FAM168A: variants seen among roughly 807,000 people sequenced by gnomAD.
FAM168A encodes family with sequence similarity 168 member A.
FAM168A carries 3 observed loss-of-function variants against 28.5 expected under a neutral mutation model. That is an observed-to-expected ratio of 0.11 (90% CI 0.05 to 0.27). FAM168A has a LOEUF of 0.27. FAM168A is among the 10% of genes least tolerant of loss of function. The pLI is 1.00. For missense variants in FAM168A, 222 were observed against 311.5 expected (o/e 0.71, Z 2.16); for synonymous variants, 122 against 124.2 (o/e 0.98, Z 0.12).
At chr11:73,496,816 T>G (rs970486168) in intron 1 of FAM168A, among the ~76,000 whole-genome samples, 3 of 151,078 alleles carry the variant, frequency 2.0e-5, no homozygotes, top group African/African-American at 7.3e-5. Context: ...CACCTCGGCC[T>G]CCCAAAGTGC....
intron 1 of FAM168A, among the ~76,000 whole-genome samples, chr11:73,522,730 A>G (rs2134653126): frequency 6.7e-6 from 1 of 149,558 alleles, no homozygotes; most frequent in South Asian, 2.2e-4. Flanking sequence ...AAAGACAATG[A>G]GGCCAGGCAT....
intron 1 of FAM168A, among the ~76,000 whole-genome samples, chr11:73,481,857 G>A (rs1867971429): frequency 6.6e-6 from 1 of 152,180 alleles, no homozygotes; most frequent in African/African-American, 2.4e-5. Flanking sequence ...CTTCTGGGAG[G>A]TCTTCAGGTC....
chr11:73,597,759 C>T (rs576010910), intron 1 of FAM168A, among the ~76,000 whole-genome samples, 164 bp downstream of exon 1: 1 of 151,366 alleles, frequency 6.6e-6, no homozygotes, highest in East Asian at 2.0e-4. Flanking sequence ...CACCCCCGGC[C>T]AGCGCCTGGA....
At chr11:73,443,425 T>C (rs539549196) in intron 2 of FAM168A, among the ~76,000 whole-genome samples, 1 of 152,292 alleles carries the variant, frequency 6.6e-6, no homozygotes, top group South Asian at 2.1e-4. Flanking sequence ...GATATTAGGC[T>C]GCCAGGGACA....
At chr11:73,580,011 A>C (rs1202898923) in intron 1 of FAM168A, among the ~76,000 whole-genome samples, 1 of 152,220 alleles carries the variant, frequency 6.6e-6, no homozygotes, top group African/African-American at 2.4e-5. Flanking sequence ...ATACATGTTT[A>C]TAGTGTTAGC....
At chr11:73,454,852 C>A (rs1221834377) in intron 2 of FAM168A, among the ~76,000 whole-genome samples, 1 of 152,234 alleles carries the variant, frequency 6.6e-6, no homozygotes, top group Non-Finnish European at 1.5e-5. Flanking sequence ...CCTCTTCCCA[C>A]TGAGAGCCAC....
At chr11:73,587,491 CAA>C (rs750571231) in intron 1 of FAM168A, among the ~76,000 whole-genome samples, 22 of 87,496 alleles carry the variant, frequency 2.5e-4, no homozygotes, top group Admixed American at 2.4e-4. Flanking sequence ...GACTCCGTCT[CAA>C]AAAAAAAAAA....
At chr11:73,507,915 T>C (rs1227579805) in intron 1 of FAM168A, among the ~76,000 whole-genome samples, 1 of 97,426 alleles carries the variant, frequency 1.0e-5, no homozygotes, top group Non-Finnish European at 2.3e-5. Flanking sequence ...CAGGGGATCT[T>C]GGAATTCAAT....
chr11:73,472,230 T>C (rs1434379655), intron 1 of FAM168A, among the ~76,000 whole-genome samples: 2 of 152,152 alleles, frequency 1.3e-5, no homozygotes, highest in Non-Finnish European at 2.9e-5. Context: ...TTAAATAAGA[T>C]GATTCGAAAA....
chr11:73,456,693 C>T (rs771980497), intron 2 of FAM168A, among the ~76,000 whole-genome samples: 1 of 152,222 alleles, frequency 6.6e-6, no homozygotes, highest in Non-Finnish European at 1.5e-5. Flanking sequence ...GAATCCTCCA[C>T]ATAAACAACT....
In FAM168A at chr11:73,402,987, C is replaced by G. The variant is rs1866439680; in HGVS notation, c.*3776G>C. The G allele has an allele frequency of 6.6e-6, 1 of 152,228 alleles. No individual in the cohort carries two copies. The highest frequency in any genetic ancestry group is 1.5e-5 in the Non-Finnish European group (1 of 68,060). The allele number at this position is 152,228 out of a possible 1,614,324, so 9.4% of individuals were successfully genotyped here. Reference sequence around the variant, plus strand: ...ACCCAGCAGGTGGCAGCAGAAAGAGCAGAGGATTTGAAGAATCACTTCCAA... The same window carrying G: ...ACCCAGCAGGTGGCAGCAGAAAGAGGAGAGGATTTGAAGAATCACTTCCAA... On this transcript the variant is annotated 3_prime_UTR_variant, in exon 8 of 8. Coordinates refer to ENST00000356467, the MANE Select transcript of FAM168A (RefSeq NM_015159.3).
At chr11:73,577,831 GT>G (rs1944194504) in intron 1 of FAM168A, among the ~76,000 whole-genome samples, 1 of 151,898 alleles carries the variant, frequency 6.6e-6, no homozygotes, top group South Asian at 2.1e-4. Flanking sequence ...AAGAACATCT[GT>G]TCATAATTAA....
At chr11:73,427,281 G>A (rs12272165) in intron 3 of FAM168A, among the ~76,000 whole-genome samples, 7,243 of 152,056 alleles carry the variant, frequency 0.048, 540 homozygotes, top group African/African-American at 0.16. Context: ...GTGAGCCACT[G>A]CGCCCAGCCT....
intron 1 of FAM168A, among the ~76,000 whole-genome samples, chr11:73,577,012 TTTACAGAC>T (rs1349246732): frequency 6.6e-6 from 1 of 151,818 alleles, no homozygotes; most frequent in Non-Finnish European, 1.5e-5. Flanking sequence ...TCAAATGACA[TTTACAGAC>T]TTGAATGGGA....
chr11:73,536,139 C>T (rs975314884), intron 1 of FAM168A, among the ~76,000 whole-genome samples: 1 of 152,194 alleles, frequency 6.6e-6, no homozygotes. Context: ...AGCCATCACA[C>T]TCGGCCAGCA....
intron 1 of FAM168A, among the ~76,000 whole-genome samples, chr11:73,500,053 C>T (rs1169960588): frequency 2.6e-5 from 4 of 152,004 alleles, no homozygotes; most frequent in African/African-American, 7.3e-5. Context: ...AGAAGATCAA[C>T]CCCAAGACAC....
At chr11:73,407,844 G>A (rs1866535414) in intron 6 of FAM168A, among the ~76,000 whole-genome samples, 1 of 152,200 alleles carries the variant, frequency 6.6e-6, no homozygotes, top group African/African-American at 2.4e-5. Context: ...GATGCTTGAG[G>A]ACAGAATCAA....
intron 1 of FAM168A, among the ~76,000 whole-genome samples, chr11:73,523,793 T>G (rs1943415484): frequency 6.6e-6 from 1 of 152,068 alleles, no homozygotes; most frequent in Non-Finnish European, 1.5e-5. Context: ...ACTACCAAGT[T>G]TCCTGAGATA....
intron 2 of FAM168A, among the ~76,000 whole-genome samples, chr11:73,457,195 C>T (rs142186391): frequency 2.6e-4 from 40 of 151,530 alleles, no homozygotes; most frequent in African/African-American, 9.5e-4. Flanking sequence ...TGAGATCAGC[C>T]TAGGTAACAG....
Sources: allele counts gnomAD v4.1 joint callset (sites outside exome capture counted in the v4.1 genomes callset), GRCh38; gene constraint gnomAD v4.1.1; transcripts MANE v1.5; gene names NCBI Gene and HGNC (gene_info 2026-07-23, HGNC 2026-07-21).